Variants in ERBB4 observed in about 807,000 individuals in gnomAD.
The protein encoded by ERBB4 is erb-b2 receptor tyrosine kinase 4.
Under a neutral mutation model 158.0 loss-of-function variants are expected in ERBB4, and 42 were observed. The ratio of observed to expected loss-of-function variants is 0.27; its 90% CI spans 0.21 to 0.34. The LOEUF (loss-of-function observed/expected upper bound fraction) is 0.34, where lower values mean the gene tolerates loss of function less well. Ranked by LOEUF, ERBB4 falls within the 10% of genes least tolerant of loss-of-function variation. ERBB4 has a pLI of 1.00. For missense variants in ERBB4, 1,333 were observed against 1,624.1 expected (o/e 0.82, Z 3.08); for synonymous variants, 583 against 558.7 (o/e 1.04, Z -0.61).
chr2:212,284,570 G>T (rs1402291752), intron 1 of ERBB4, among the ~76,000 whole-genome samples: 1 of 151,986 alleles, frequency 6.6e-6, no homozygotes, highest in Non-Finnish European at 1.5e-5. Flanking sequence ...TTCCATTTGT[G>T]GTGTACTTCA....
chr2:211,666,367 C>A (rs997571429), intron 14 of ERBB4, among the ~76,000 whole-genome samples: 5 of 151,916 alleles, frequency 3.3e-5, no homozygotes. Context: ...GCAAATAGAA[C>A]AAACTCATTC....
chr2:212,331,615 T>C (rs1331358450), intron 1 of ERBB4, among the ~76,000 whole-genome samples: 1 of 140,926 alleles, frequency 7.1e-6, no homozygotes, highest in Non-Finnish European at 1.5e-5. Flanking sequence ...ATTACCAAAC[T>C]CAATCAAATT....
chr2:212,182,273 A>T (rs1279411069), intron 1 of ERBB4, among the ~76,000 whole-genome samples: 1 of 151,802 alleles, frequency 6.6e-6, no homozygotes, highest in Non-Finnish European at 1.5e-5. Flanking sequence ...GTCCCAGGTC[A>T]TTTGCAAATC....
intron 20 of ERBB4, among the ~76,000 whole-genome samples, chr2:211,513,081 C>T (rs1438837811): frequency 1.3e-5 from 2 of 151,742 alleles, no homozygotes; most frequent in Non-Finnish European, 2.9e-5. Flanking sequence ...CACTGGTCTG[C>T]TTAAGTGTAC....
intron 2 of ERBB4, among the ~76,000 whole-genome samples, chr2:212,058,975 C>CAA (rs1172708580): frequency 1.3e-5 from 2 of 152,254 alleles, no homozygotes; most frequent in Non-Finnish European, 2.9e-5. Context: ...AAAGGGTATT[C>CAA]AATTAGGCAT....
At chr2:212,200,306 A>ACTTACAAT (rs2082554843) in intron 1 of ERBB4, among the ~76,000 whole-genome samples, 1 of 152,188 alleles carries the variant, frequency 6.6e-6, no homozygotes, top group Non-Finnish European at 1.5e-5. Flanking sequence ...ACATATGTAA[A>ACTTACAAT]CTTACAATCT....
chr2:211,814,179 G>A (rs994855009), intron 3 of ERBB4, among the ~76,000 whole-genome samples: 7 of 152,014 alleles, frequency 4.6e-5, no homozygotes, highest in African/African-American at 7.2e-5. Flanking sequence ...TATTCATAAC[G>A]CATAGATGTC....
intron 20 of ERBB4, among the ~76,000 whole-genome samples, chr2:211,446,961 T>G (rs931411747): frequency 1.3e-5 from 2 of 152,082 alleles, no homozygotes; most frequent in Non-Finnish European, 2.9e-5. Flanking sequence ...ATATTAACAT[T>G]TAACATAAGA....
chr2:212,094,221 GT>G (rs1407801211), intron 2 of ERBB4, among the ~76,000 whole-genome samples: 1 of 150,998 alleles, frequency 6.6e-6, no homozygotes. Flanking sequence ...GTGAGATAAG[GT>G]TGTTTAAAAG....
In ERBB4 at chr2:212,325,477, G is replaced by A. The variant is rs75833134; in HGVS notation, c.83-200574C>T. On this transcript the variant is annotated intron_variant, in intron 1 of 27. Transcript: ENST00000342788. ...ATCTTCTGAAATTGGTTAATTGATT[G>A]CCTGACAGTTATAACAGAAATGCTT... Among the ~76,000 whole-genome samples the A allele has an allele frequency of 5.4e-3, 811 of 150,736 alleles. 12 individuals are homozygous for A. Among genetic ancestry groups the A allele is most frequent in the African/African-American group, 0.017 (723 of 41,398 alleles).
chr2:212,012,771 G>A (rs146888056), intron 2 of ERBB4, among the ~76,000 whole-genome samples: 2 of 151,884 alleles, frequency 1.3e-5, no homozygotes, highest in Admixed American at 1.3e-4. Context: ...TTTAAGACAG[G>A]TCTTTCTATG....
rs1415886836 is a variant in ERBB4, at chr2:212,305,580, A to T, written c.83-180677T>A. 2.6e-5 allele frequency among the ~76,000 whole-genome samples: 4 copies of T among 151,278 alleles called. No homozygotes were observed. The Admixed American group carries it at 2.6e-4, about 10-fold the overall frequency. On this transcript the variant is annotated intron_variant, in intron 1 of 27. Transcript: ENST00000342788. ...CCATGAGATGAATCAAAGCAAAAAAAACCTGACTCCTTAACATTTTGAAAA... is the reference window on the plus strand; with the variant it reads ...CCATGAGATGAATCAAAGCAAAAAATACCTGACTCCTTAACATTTTGAAAA...
Position 211,926,089 on chromosome 2 carries a change from A to G in ERBB4, c.421+21341T>C, listed in dbSNP as rs553716933. Among the ~76,000 whole-genome samples the G allele has an allele frequency of 5.2e-4, 79 of 152,308 alleles. 2 individuals are homozygous for G. In the South Asian group the frequency reaches 0.016, roughly 31 times the overall value. ...AGGGAGGTGGTTGCGTCAGTTGGCT[A>G]TAACTAGGAATGTCTCGGAGCCACG... On this transcript the variant is annotated intron_variant, in intron 3 of 27. Transcript: ENST00000342788.
intron 20 of ERBB4, among the ~76,000 whole-genome samples, chr2:211,499,645 T>C (rs143028523): frequency 1.9e-4 from 29 of 152,194 alleles, no homozygotes; most frequent in Non-Finnish European, 2.9e-5. Context: ...ATTCCACAGA[T>C]AGAAACAATA....
chr2:211,429,975 T>G (rs1231835888), intron 21 of ERBB4, among the ~76,000 whole-genome samples: 1 of 152,018 alleles, frequency 6.6e-6, no homozygotes, highest in Non-Finnish European at 1.5e-5. Context: ...TAGAGTGAAT[T>G]TCAATGCTGT....
intron 22 of ERBB4, among the ~76,000 whole-genome samples, chr2:211,426,378 C>A (rs2063627404): frequency 6.6e-6 from 1 of 152,098 alleles, no homozygotes; most frequent in African/African-American, 2.4e-5. Context: ...CATAAAGGTG[C>A]ACTGTAAACA....
intron 16 of ERBB4, among the ~76,000 whole-genome samples, chr2:211,649,621 A>G (rs932051755): frequency 1.3e-5 from 2 of 151,842 alleles, no homozygotes; most frequent in African/African-American, 2.4e-5. Context: ...TAAATTTTTT[A>G]TGGTAAAAGG....
rs140296140 is a variant in ERBB4 at position 212,423,373 on chromosome 2, G to A, written c.82+115076C>T. On this transcript the variant is annotated intron_variant, in intron 1 of 27. Transcript: ENST00000342788. ...GATTATCTGAATCACAGAAAAAAGA[G>A]GTGTCACCTTTGAGCTGAAAGAAGA... Among the ~76,000 whole-genome samples, 91 of 152,270 alleles carry A rather than the reference G, an allele frequency of 6.0e-4. 1 individual carries two copies. The highest frequency in any genetic ancestry group is 1.0e-3 in the Non-Finnish European group (71 of 68,028).
rs115074028 is a variant in ERBB4 at position 211,900,268 on chromosome 2, G to C, written c.421+47162C>G. On this transcript the variant is annotated intron_variant, in intron 3 of 27. Transcript: ENST00000342788. ...CTCATACTAACAGGGACTTCTGAGCGTATCAACACAGAGAAAGCAGTTGTT... is the reference window on the plus strand; with the variant it reads ...CTCATACTAACAGGGACTTCTGAGCCTATCAACACAGAGAAAGCAGTTGTT... Among the ~76,000 whole-genome samples, 1,521 of 152,120 alleles carry C rather than the reference G, an allele frequency of 1.0e-2. 21 individuals carry two copies. Among genetic ancestry groups the C allele is most frequent in the African/African-American group, 0.035 (1,449 of 41,512 alleles).
Sources: gnomAD v4.1 joint callset for allele counts (sites outside exome capture counted in the v4.1 genomes callset) on GRCh38, gnomAD v4.1.1 for gene constraint, MANE v1.5 for transcripts, NCBI Gene and HGNC (gene_info 2026-07-23, HGNC 2026-07-21) for gene names.